CPNE8: variants seen among roughly 807,000 people sequenced by gnomAD.
The protein encoded by CPNE8 is copine 8, also known as copine-8.
In CPNE8, 45 loss-of-function variants were observed where a neutral mutation model predicts 81.5. That is an observed-to-expected ratio of 0.55 (90% CI 0.44 to 0.71). The LOEUF is 0.71. Among genes scored for constraint, CPNE8 ranks in the 30% least tolerant of loss-of-function variants. CPNE8 has a pLI of 0.00. For missense variants in CPNE8, 594 were observed against 672.1 expected (o/e 0.88, Z 1.28); for synonymous variants, 252 against 226.3 (o/e 1.11, Z -1.02).
intron 1 of CPNE8, among the ~76,000 whole-genome samples, chr12:38,902,854 C>T (rs1216165454): frequency 2.0e-5 from 3 of 152,088 alleles, no homozygotes; most frequent in African/African-American, 7.2e-5. Context: ...GTTTTTGTTT[C>T]ATGCATTGTG....
chr12:38,900,617 G>A (rs961632768), intron 1 of CPNE8, among the ~76,000 whole-genome samples: 4 of 152,198 alleles, frequency 2.6e-5, no homozygotes, highest in African/African-American at 9.6e-5. Context: ...AAGGGAGGTA[G>A]GGCAGGGCAA....
At chr12:38,902,296 AAAGGAAGG>A (rs1183045799) in intron 1 of CPNE8, among the ~76,000 whole-genome samples, 2 of 56,156 alleles carry the variant, frequency 3.6e-5, no homozygotes, top group East Asian at 8.9e-4. Flanking sequence ...GGAAGGAAGG[AAAGGAAGG>A]AAGGAAGGAA....
Position 38,692,931 on chromosome 12 carries a change from C to T in CPNE8, c.1143+726G>A, listed in dbSNP as rs541802181. ...ATATAAACATCCTTGGAGTTTCTGT[C>T]CTAGACTTTTAGATTACTCACCCTG... On this transcript the variant is annotated intron_variant, in intron 15 of 19. Transcript: ENST00000331366. Among the ~76,000 whole-genome samples the T allele has an allele frequency of 2.0e-5, 3 of 152,174 alleles. No individual in the cohort carries two copies. The South Asian group carries it at 6.2e-4, about 32-fold the overall frequency.
At chr12:38,776,650 G>A (rs1028870551) in intron 6 of CPNE8, among the ~76,000 whole-genome samples, 10 of 151,766 alleles carry the variant, frequency 6.6e-5, no homozygotes, top group East Asian at 1.9e-4. Context: ...TAAACATGTC[G>A]ATCCTCTCCT....
intron 1 of CPNE8, among the ~76,000 whole-genome samples, chr12:38,902,340 GAA>G (rs369831907): frequency 1.5e-5 from 1 of 67,074 alleles, no homozygotes; most frequent in South Asian, 4.1e-4. Flanking sequence ...AAGAAAGAAA[GAA>G]AGAAAGAAAG....
intron 6 of CPNE8, among the ~76,000 whole-genome samples, chr12:38,789,532 T>C (rs977374098): frequency 2.6e-5 from 4 of 151,844 alleles, no homozygotes; most frequent in Admixed American, 2.6e-4. Flanking sequence ...CTCCAGGACA[T>C]TGGTCTGAGC....
At chr12:38,712,947 T>G (rs1307251292) in intron 13 of CPNE8, among the ~76,000 whole-genome samples, 1 of 152,190 alleles carries the variant, frequency 6.6e-6, no homozygotes, top group Admixed American at 6.5e-5. Flanking sequence ...TTAGACGTAT[T>G]AGAACTTTGA....
At chr12:38,730,174 A>G (rs1940798238) in intron 11 of CPNE8, 109 bp downstream of exon 11, 4 of 708,144 alleles carry the variant, frequency 5.6e-6, no homozygotes, top group Admixed American at 2.3e-5. Flanking sequence ...TCTTACATAC[A>G]CTGATACTTA....
chr12:38,848,553 A>G lies in CPNE8; in HGVS notation c.290+6T>C, dbSNP rs1943593988. 1.3e-6 allele frequency: 2 copies of G among 1,567,116 alleles called. No homozygotes were observed. Among genetic ancestry groups the G allele is most frequent in the Non-Finnish European group, 1.7e-6 (2 of 1,165,466 alleles). On this transcript the variant is annotated splice_donor_region_variant and intron_variant, in intron 4 of 19. Transcript: ENST00000331366. Reference sequence around the variant, plus strand: ...TTTTCTAAACGCAAGTTTTAGTAGAACTTACAAGTCAAAACGAAGATTCTC... The same window carrying G: ...TTTTCTAAACGCAAGTTTTAGTAGAGCTTACAAGTCAAAACGAAGATTCTC...
At chr12:38,760,176 A>G (rs927398486) in intron 10 of CPNE8, among the ~76,000 whole-genome samples, 15 of 152,058 alleles carry the variant, frequency 9.9e-5, no homozygotes, top group African/African-American at 3.4e-4. Context: ...GCACCTAGAG[A>G]GGCAGCAGTC....
At chr12:38,758,932 T>C (rs1345972238) in intron 10 of CPNE8, among the ~76,000 whole-genome samples, 1 of 152,186 alleles carries the variant, frequency 6.6e-6, no homozygotes, top group African/African-American at 2.4e-5. Context: ...AAATTTAGGA[T>C]TGAACGTCTA....
At chr12:38,898,458 A>G (rs1350792593) in intron 1 of CPNE8, among the ~76,000 whole-genome samples, 1 of 152,144 alleles carries the variant, frequency 6.6e-6, no homozygotes, top group African/African-American at 2.4e-5. Flanking sequence ...ACAATCTTGA[A>G]CCACAGGATC....
At chr12:38,676,114 TAA>T (rs11418735) in intron 17 of CPNE8, 69 of 270,578 alleles carry the variant, frequency 2.6e-4, no homozygotes, top group Non-Finnish European at 3.4e-4. Flanking sequence ...AGAGCCTGTC[TAA>T]AAAAAAAAAA....
chr12:38,776,112 T>C (rs1941929301), intron 7 of CPNE8, 126 bp downstream of exon 7: 1 of 402,944 alleles, frequency 2.5e-6, no homozygotes, highest in South Asian at 6.7e-5. Flanking sequence ...AAATGATATT[T>C]TATGGGTTAT....
intron 10 of CPNE8, among the ~76,000 whole-genome samples, chr12:38,753,496 G>C (rs1221407860): frequency 6.6e-6 from 1 of 152,024 alleles, no homozygotes; most frequent in Non-Finnish European, 1.5e-5. Context: ...AGATATCAGA[G>C]CTCTATTTTA....
At chr12:38,766,585 G>A (rs1224894216) in intron 8 of CPNE8, among the ~76,000 whole-genome samples, 1 of 151,954 alleles carries the variant, frequency 6.6e-6, no homozygotes, top group African/African-American at 2.4e-5. Context: ...ATTTTAAACT[G>A]GCCAGTGCAT....
At chr12:38,860,907 T>C (rs1210083431) in intron 3 of CPNE8, among the ~76,000 whole-genome samples, 3 of 152,182 alleles carry the variant, frequency 2.0e-5, no homozygotes, top group Non-Finnish European at 4.4e-5. Flanking sequence ...AATGAGTAAG[T>C]CCCAGAGATC....
intron 16 of CPNE8, among the ~76,000 whole-genome samples, chr12:38,679,916 T>G (rs1939373316): frequency 6.6e-6 from 1 of 151,836 alleles, no homozygotes. Flanking sequence ...GTGACACTGA[T>G]ATATAGACTC....
chr12:38,726,215 T>C (rs555468557), intron 11 of CPNE8: 2 of 150,680 alleles, frequency 1.3e-5, no homozygotes, highest in African/African-American at 4.9e-5. Flanking sequence ...AAATTTTCTA[T>C]GCAAGAAGTA....
Sources: gnomAD v4.1 joint callset for allele counts (sites outside exome capture counted in the v4.1 genomes callset) on GRCh38, gnomAD v4.1.1 for gene constraint, MANE v1.5 for transcripts, NCBI Gene and HGNC (gene_info 2026-07-23, HGNC 2026-07-21) for gene names.